PTCH1: variants seen among roughly 807,000 people sequenced by gnomAD.
The protein encoded by PTCH1 is patched 1, also known as protein patched homolog 1.
PTCH1 carries 14 observed loss-of-function variants against 144.6 expected under a neutral mutation model. The ratio of observed to expected loss-of-function variants is 0.10; its 90% confidence interval spans 0.06 to 0.15. PTCH1 has a LOEUF of 0.15. Ranked by LOEUF, PTCH1 falls within the 10% of genes least tolerant of loss-of-function variation. The probability of loss-of-function intolerance (pLI) is 1.00; values close to 1 mark genes in which losing one functional copy is unlikely to be tolerated. For synonymous variants in PTCH1, 833 were observed against 793.6 expected (o/e 1.05, Z -0.83); for missense variants, 1,623 against 1,948.3 (o/e 0.83, Z 3.14).
Position 95,444,572 on chromosome 9 carries a change from G to A in PTCH1, c.*1821C>T, listed in dbSNP as rs1837728696. 6.5e-6 allele frequency: 1 copy of A among 152,764 alleles called. No individual in the cohort carries two copies. The allele number at this position is 152,764 out of a possible 1,614,324, so 9.5% of individuals were successfully genotyped here. A position where few individuals can be genotyped will look rare whatever the true frequency, so the allele number is the denominator to read the frequency against. ...TCCCAATCAGCATCTTAAAAGTTTTGTGGTGAGTATCAGGGTCTGAGGTCA... is the reference window on the plus strand; with the variant it reads ...TCCCAATCAGCATCTTAAAAGTTTTATGGTGAGTATCAGGGTCTGAGGTCA... On this transcript the variant is annotated 3_prime_UTR_variant, in exon 24 of 24. Coordinates refer to ENST00000331920, the MANE Select transcript of PTCH1 (RefSeq NM_000264.5).
At chr9:95,508,077 G>C in intron 1 of PTCH1, 84 bp downstream of exon 1, 1 of 1,589,416 alleles carries the variant, frequency 6.3e-7, no homozygotes, top group Non-Finnish European at 8.6e-7. Flanking sequence ...GAGGAAGAGA[G>C]TGTGTGTGTT....
At position 95,508,306 on chromosome 9, in the gene PTCH1, C is replaced by A. The variant is rs587780708; in HGVS notation, c.56G>T (p.Gly19Val). The part of the protein sequence containing the change: ...EPQDRGGGGS[G>V]CIGAPGRPAG... The stretch of plus-strand genomic sequence containing the variant: ...CGGCCGTCCCGGGGCACCGATACAG[C>A]CGCTGCCGCCGCCGCCGCGGTCCTG... The change falls in exon 1 of 24, where the codon GGC (glycine) becomes GTC (valine). Residue 19 changes from glycine to valine, a missense_variant. Coordinates refer to ENST00000331920, the MANE Select transcript of PTCH1 (RefSeq NM_000264.5). 2.1e-5 allele frequency: 30 copies of A among 1,407,284 alleles called. No individual in the cohort carries two copies. Among genetic ancestry groups the A allele is most frequent in the Non-Finnish European group, 2.2e-5 (24 of 1,087,480 alleles). 87.2% of individuals were successfully genotyped at this position (1,407,284 alleles called of 1,614,324 possible). A position where few individuals can be genotyped will look rare whatever the true frequency, so the allele number is the denominator to read the frequency against.
At chr9:95,509,268 G>A (rs1167391370), upstream of PTCH1, among the ~76,000 whole-genome samples, 2 of 147,216 alleles carry the variant, frequency 1.4e-5, no homozygotes, top group African/African-American at 4.9e-5. Context: ...GGAGGGGGTG[G>A]AGGGGGAGAG....
At chr9:95,448,448 G>T (rs1235812343) in intron 22 of PTCH1, among the ~76,000 whole-genome samples, 1 of 152,156 alleles carries the variant, frequency 6.6e-6, no homozygotes, top group African/African-American at 2.4e-5. Context: ...GGTCCTTGGA[G>T]CCTCCGAGGA....
At chr9:95,510,619 AT>A (rs958635030), upstream of PTCH1, among the ~76,000 whole-genome samples, 79 of 146,024 alleles carry the variant, frequency 5.4e-4, no homozygotes, top group African/African-American at 1.0e-3. Flanking sequence ...GCTTCACTTT[AT>A]TTTTTTTTTT....
chr9:95,492,007 G>A (rs905080337), intron 2 of PTCH1, among the ~76,000 whole-genome samples: 8 of 152,180 alleles, frequency 5.3e-5, no homozygotes, highest in East Asian at 1.9e-4. Flanking sequence ...AAAGAGAGAC[G>A]TCTTAAGACA....
chr9:95,448,915 G>A (rs1250651179), intron 22 of PTCH1, among the ~76,000 whole-genome samples, 154 bp downstream of exon 22: 1 of 152,190 alleles, frequency 6.6e-6, no homozygotes, highest in East Asian at 1.9e-4. Flanking sequence ...TTAAATACTG[G>A]TTATTTCCTA....
rs138240178 is a variant in PTCH1 at position 95,449,267 on chromosome 9, G to C, written c.3606C>G (p.Pro1202=). The C allele has an allele frequency of 5.8e-6, 9 of 1,564,224 alleles. No individual in the cohort carries two copies. The highest frequency in any genetic ancestry group is 1.9e-5 in the Admixed American group (1 of 51,856). Residue 1202 remains proline (P), a synonymous_variant, in exon 22 of 24, where the codon CCC becomes CCG. Coordinates refer to ENST00000331920, the MANE Select transcript of PTCH1 (RefSeq NM_000264.5). This position sits in a 1 kb window ranked among gnomAD's most constrained non-coding sequence, Gnocchi z 5.3. The part of the protein sequence containing the change: ...RLPTPSPEPP[P]SVVRFAMPPG... ...GCGGCATGGCGAAGCGGACCACGCT[G>C]GGGGGTGGCTCAGGGGAGGGTGTGG...
chr9:95,447,570 G>A, intron 22 of PTCH1, 119 bp from the exon 23 acceptor site: 2 of 1,074,784 alleles, frequency 1.9e-6, no homozygotes, highest in South Asian at 1.6e-5. Context: ...GGGAGCCAAT[G>A]GGGGCCTTCC....
intron 12 of PTCH1, among the ~76,000 whole-genome samples, chr9:95,471,306 AT>A (rs1840561281): frequency 6.6e-6 from 1 of 152,180 alleles, no homozygotes; most frequent in Admixed American, 6.5e-5. Flanking sequence ...TTCCGGAGAG[AT>A]GTCTTCCAAT....
At chr9:95,506,127 A>C in intron 2 of PTCH1, 1 of 179,368 alleles carries the variant, frequency 5.6e-6, no homozygotes, top group African/African-American at 2.4e-5. Context: ...CCCGGCGCGC[A>C]GAGTGGTCCG....
rs28488661 is a variant in PTCH1 at position 95,502,907 on chromosome 9, G to A, written c.394+3500C>T. On this transcript the variant is annotated intron_variant, in intron 2 of 23. Coordinates refer to ENST00000331920, the MANE Select transcript of PTCH1 (RefSeq NM_000264.5). ...TTCGAGTGGATCCCTTTAATTTGCT[G>A]GCTGTATTAAAAAGATAACATTAAC... 8.5e-3 allele frequency among the ~76,000 whole-genome samples: 1,295 copies of A among 152,178 alleles called. 14 individuals are homozygous for A. Among genetic ancestry groups the A allele is most frequent in the African/African-American group, 0.029 (1,218 of 41,492 alleles).
At chr9:95,507,905 TACACACACACAC>T (rs139956254) in intron 1 of PTCH1, 1 of 1,220,070 alleles carries the variant, frequency 8.2e-7, no homozygotes, top group African/African-American at 1.6e-5. Context: ...GGCGTGTGTA[TACACACACACAC>T]ACGCACACAC....
chr9:95,505,498 G>A (rs1365686079), intron 2 of PTCH1, among the ~76,000 whole-genome samples: 1 of 152,036 alleles, frequency 6.6e-6, no homozygotes, highest in East Asian at 1.9e-4. Context: ...GTTTGTCTTC[G>A]AAAAAATATA....
chr9:95,477,532 T>C lies in PTCH1; in HGVS notation c.1503+15A>G. 1 of 1,614,080 alleles carries C rather than the reference T, an allele frequency of 6.2e-7. No homozygotes were observed. The highest frequency in any genetic ancestry group is 8.5e-7 in the Non-Finnish European group (1 of 1,180,002). On this transcript the variant is annotated intron_variant, in intron 10 of 23. Transcript: ENST00000331920. ...CATTTGTCAACGGACAGCAGATAAA[T>C]GGCTCCTTTAGTACCTGAGTTGTTG...
At position 95,458,202 on chromosome 9, in the gene PTCH1, T is replaced by C; in HGVS notation, c.2979A>G (p.Lys993=). The part of the protein sequence containing the change: ...DTSDFVEAIE[K]VRTICSNYTS... Reference sequence around the variant, plus strand: ...TATAGTTGCTGCAGATGGTCCTTACTTTTTCAATTGCCTCCACAAAGTCTG... The same window carrying C: ...TATAGTTGCTGCAGATGGTCCTTACCTTTTCAATTGCCTCCACAAAGTCTG... Residue 993 remains lysine (K), a synonymous_variant, in exon 18 of 24, where the codon AAA becomes AAG. Transcript: ENST00000331920. The surrounding 1 kb of genome is among the most constrained non-coding windows in gnomAD (Gnocchi z 4.7). 6.2e-7 allele frequency: 1 copy of C among 1,614,172 alleles called. No homozygotes were observed.
rs1843969259 is a variant in PTCH1, at chr9:95,508,815, G to A, written c.-454C>T. The A allele has an allele frequency of 1.0e-6, 1 of 983,208 alleles. No homozygotes were observed. 60.9% of individuals were successfully genotyped at this position (983,208 alleles called of 1,614,324 possible). ...CCAGCGAATCCCCGCTGCTCCCGCC[G>A]GCCGCGCTGGCTCTCTCGGCGCCTC... On this transcript the variant is annotated 5_prime_UTR_variant, in exon 1 of 24. Coordinates refer to ENST00000331920, the MANE Select transcript of PTCH1 (RefSeq NM_000264.5).
At chr9:95,513,373 A>G (rs1397973091), upstream of PTCH1, among the ~76,000 whole-genome samples, 1 of 152,238 alleles carries the variant, frequency 6.6e-6, no homozygotes, top group African/African-American at 2.4e-5. Context: ...TACTGAGTTT[A>G]ATACTCTTCC....
chr9:95,446,025 A>G lies in PTCH1; in HGVS notation c.*368T>C, dbSNP rs35142495. The G allele has an allele frequency of 5.5e-6, 1 of 183,282 alleles. No homozygotes were observed. The highest frequency in any genetic ancestry group is 1.2e-5 in the Non-Finnish European group (1 of 84,504). 11.4% of individuals were successfully genotyped at this position (183,282 alleles called of 1,614,324 possible). A position where few individuals can be genotyped will look rare whatever the true frequency, so the allele number is the denominator to read the frequency against. On this transcript the variant is annotated 3_prime_UTR_variant, in exon 24 of 24. Transcript: ENST00000331920. Reference sequence around the variant, plus strand: ...GCATAGAATTATACAAGTAAATTATACAATATTTAAGCAGCAGCAACATAT... The same window carrying G: ...GCATAGAATTATACAAGTAAATTATGCAATATTTAAGCAGCAGCAACATAT...
Sources: gnomAD v4.1 joint callset for allele counts (sites outside exome capture counted in the v4.1 genomes callset) on GRCh38, gnomAD v4.1.1 for gene constraint, Gnocchi (gnomAD v3.1) non-coding constraint, MANE v1.5 for transcripts, NCBI Gene and HGNC (gene_info 2026-07-23, HGNC 2026-07-21) for gene names.